Variants in SUPV3L1 observed in about 807,000 individuals in gnomAD.
SUPV3L1 encodes the protein Suv3 like RNA helicase, also known as ATP-dependent RNA helicase SUPV3L1, mitochondrial.
In SUPV3L1, 35 loss-of-function variants were observed where a neutral mutation model predicts 70.0. The observed-to-expected ratio is 0.50, with a 90% CI of 0.38 to 0.66. SUPV3L1 has a LOEUF of 0.66. SUPV3L1 is among the 30% of genes least tolerant of loss of function. The pLI is 0.00. For missense variants in SUPV3L1, 777 were observed against 961.5 expected (o/e 0.81, Z 2.54); for synonymous variants, 364 against 341.9 (o/e 1.06, Z -0.71).
At chr10:69,203,907 G>A (rs1010044576) in intron 13 of SUPV3L1, among the ~76,000 whole-genome samples, 1 of 151,286 alleles carries the variant, frequency 6.6e-6, no homozygotes, top group South Asian at 2.1e-4. Flanking sequence ...TGCATTTTTT[G>A]TAGAGACAGA....
intron 13 of SUPV3L1, among the ~76,000 whole-genome samples, chr10:69,203,632 C>G (rs1327952201): frequency 1.4e-5 from 2 of 146,822 alleles, no homozygotes; most frequent in African/African-American, 4.9e-5. Flanking sequence ...CCATTGCACT[C>G]CAGCCTGGGT....
At chr10:69,204,229 T>C (rs896776503) in intron 13 of SUPV3L1, among the ~76,000 whole-genome samples, 2 of 152,156 alleles carry the variant, frequency 1.3e-5, no homozygotes, top group Non-Finnish European at 2.9e-5. Context: ...ATGTACCTTA[T>C]AAACATAACA....
Position 69,180,533 on chromosome 10 carries a change from G to A in SUPV3L1, c.242G>A (p.Gly81Glu). The A allele has an allele frequency of 6.2e-7, 1 of 1,614,186 alleles. No homozygotes were observed. ...GGCCCCAGCGCCGACGGCGACGTCGGGGCCGAGCTAACCCGGCCTCTGGAC... is the reference window on the plus strand; with the variant it reads ...GGCCCCAGCGCCGACGGCGACGTCGAGGCCGAGCTAACCCGGCCTCTGGAC... ...PQGPSADGDV[G>E]AELTRPLDKN... The change falls in exon 1 of 15, where the codon GGG becomes GAG. Residue 81 changes from glycine (G) to glutamate (E), a missense_variant. Transcript: ENST00000359655.
chr10:69,194,844 G>GA (rs71471531), intron 6 of SUPV3L1, among the ~76,000 whole-genome samples: 43 of 144,678 alleles, frequency 3.0e-4, no homozygotes, highest in Admixed American at 8.2e-4. Context: ...AAATTAAAAA[G>GA]AAAAAAAAAA....
intron 2 of SUPV3L1, 43 bp from the exon 3 acceptor site, chr10:69,186,400 A>G: frequency 1.4e-6 from 2 of 1,470,108 alleles, no homozygotes; most frequent in Non-Finnish European, 1.9e-6. Context: ...GCTTTTTAAA[A>G]TGAGAACTAC....
At chr10:69,188,649 C>T (rs1159375713) in intron 4 of SUPV3L1, among the ~76,000 whole-genome samples, 3 of 152,146 alleles carry the variant, frequency 2.0e-5, no homozygotes, top group African/African-American at 7.2e-5. Context: ...CAGGCGTGTG[C>T]TACCACACCT....
At chr10:69,189,837 G>A (rs553464515) in intron 5 of SUPV3L1, among the ~76,000 whole-genome samples, 2 of 151,990 alleles carry the variant, frequency 1.3e-5, no homozygotes, top group Admixed American at 6.5e-5. Flanking sequence ...TAGTAGAGAC[G>A]GGGTTTCACC....
chr10:69,198,966 A>C (rs1014917097), intron 9 of SUPV3L1, 138 bp from the exon 10 acceptor site: 2 of 653,532 alleles, frequency 3.1e-6, no homozygotes, highest in Non-Finnish European at 5.1e-6. Flanking sequence ...TGAGGATATA[A>C]AGAAATAAAG....
chr10:69,197,559 A>G (rs189860420), intron 8 of SUPV3L1, among the ~76,000 whole-genome samples: 47 of 152,056 alleles, frequency 3.1e-4, no homozygotes, highest in African/African-American at 1.1e-3. Flanking sequence ...CTATAGTAAA[A>G]TGAATTATTA....
At chr10:69,195,919 A>T (rs899747220) in intron 7 of SUPV3L1, among the ~76,000 whole-genome samples, 8 of 151,758 alleles carry the variant, frequency 5.3e-5, no homozygotes, top group Non-Finnish European at 1.0e-4. Context: ...TTAACTTTTT[A>T]AATTTTTTGT....
chr10:69,188,503 T>TTTTGTGTG (rs1842299096), intron 4 of SUPV3L1, among the ~76,000 whole-genome samples: 1 of 150,994 alleles, frequency 6.6e-6, no homozygotes, highest in Non-Finnish European at 1.5e-5. Flanking sequence ...ACTTGATTTT[T>TTTTGTGTG]TTTGTTTGTT....
chr10:69,202,568 A>G (rs1171128175), intron 12 of SUPV3L1, 49 bp downstream of exon 12: 2 of 1,525,334 alleles, frequency 1.3e-6, no homozygotes, highest in South Asian at 1.2e-5. Flanking sequence ...TTGATATGTC[A>G]GGTGATTACT....
intron 5 of SUPV3L1, among the ~76,000 whole-genome samples, chr10:69,190,003 C>G (rs1842350102): frequency 1.3e-5 from 2 of 152,082 alleles, no homozygotes; most frequent in African/African-American, 2.4e-5. Flanking sequence ...AAAACATGTG[C>G]CAGTACAGTG....
chr10:69,193,076 A>G (rs1306056960), intron 6 of SUPV3L1: 1 of 152,170 alleles, frequency 6.6e-6, no homozygotes, highest in African/African-American at 2.4e-5. Flanking sequence ...TCATTATTGA[A>G]AATATAAAAA....
At chr10:69,206,680 C>G (rs1842838125) in intron 13 of SUPV3L1, among the ~76,000 whole-genome samples, 2 of 152,184 alleles carry the variant, frequency 1.3e-5, no homozygotes. Flanking sequence ...TTCTGACCAG[C>G]CTTGCACCAG....
chr10:69,198,497 G>A lies in SUPV3L1; in HGVS notation c.1149G>A (p.Arg383=), dbSNP rs2132293850. 1 of 1,614,034 alleles carries A rather than the reference G, an allele frequency of 6.2e-7. No homozygotes were observed. The highest frequency in any genetic ancestry group is 8.5e-7 in the Non-Finnish European group (1 of 1,179,986). Residue 383 remains arginine, a synonymous_variant, in exon 9 of 15, where the codon CGG becomes CGA. Transcript: ENST00000359655. ...FSKNDIYSVS[R]QIEIRGLESA... is the part of the protein sequence containing the mutation. ...AGAATGATATTTATTCTGTGAGTCG[G>A]CAGATTGAAATTCGGGGATTAGAAT...
At chr10:69,185,248 C>A (rs990659805) in intron 1 of SUPV3L1, among the ~76,000 whole-genome samples, 4 of 152,214 alleles carry the variant, frequency 2.6e-5, no homozygotes, top group African/African-American at 7.2e-5. Flanking sequence ...TCCCTGAAAT[C>A]ATCATCCTCA....
intron 8 of SUPV3L1, 30 bp from the exon 9 acceptor site, chr10:69,198,342 T>C (rs763496940): frequency 3.1e-5 from 49 of 1,567,690 alleles, no homozygotes; most frequent in Non-Finnish European, 4.1e-5. Flanking sequence ...GTTGGGTGTG[T>C]CATTTTGCCA....
chr10:69,186,388 G>T, intron 2 of SUPV3L1, 55 bp from the exon 3 acceptor site: 1 of 1,248,720 alleles, frequency 8.0e-7, no homozygotes, highest in Non-Finnish European at 1.2e-6. Context: ...GTGTGTCTGT[G>T]TGCTTTTTAA....
Sources: gnomAD v4.1 joint callset for allele counts (sites outside exome capture counted in the v4.1 genomes callset) on GRCh38, gnomAD v4.1.1 for gene constraint, MANE v1.5 for transcripts, NCBI Gene and HGNC (gene_info 2026-07-23, HGNC 2026-07-21) for gene names.